Variants in TSPAN14 observed in about 807,000 individuals in gnomAD.
TSPAN14 encodes tetraspanin 14, also known as tetraspanin-14.
A neutral mutation model predicts 36.6 loss-of-function variants in TSPAN14; 16 were observed. The observed-to-expected ratio is 0.44, with a 90% CI of 0.30 to 0.66. The LOEUF is 0.66. Ranked by LOEUF, TSPAN14 falls within the 30% of genes least tolerant of loss-of-function variation. TSPAN14 has a pLI of 0.12. For missense variants in TSPAN14, 231 were observed against 355.1 expected, an observed-to-expected ratio of 0.65 and a Z score of 2.81; for synonymous variants, 139 against 143.8, an observed-to-expected ratio of 0.97 and a Z score of 0.24.
chr10:80,507,063 G>A, intron 3 of TSPAN14, 165 bp from the exon 4 acceptor site: 2 of 838,300 alleles, frequency 2.4e-6, no homozygotes, highest in Non-Finnish European at 3.7e-6. Flanking sequence ...TGGTCGGAGG[G>A]GCCCCTAAGG....
At chr10:80,485,782 T>C in intron 1 of TSPAN14, 1 of 720,618 alleles carries the variant, frequency 1.4e-6, no homozygotes, top group South Asian at 6.2e-5. Flanking sequence ...AACTGAAATG[T>C]TTCTTTTCAA....
chr10:80,507,855 A>T (rs56871714), intron 4 of TSPAN14, among the ~76,000 whole-genome samples: 25 of 152,230 alleles, frequency 1.6e-4, no homozygotes, highest in African/African-American at 5.5e-4. Context: ...ATACAAATTC[A>T]TGTTTAGATT....
At chr10:80,512,432 A>T (rs549606934) in intron 6 of TSPAN14, among the ~76,000 whole-genome samples, 163 bp downstream of exon 6, 24 of 152,254 alleles carry the variant, frequency 1.6e-4, no homozygotes, top group African/African-American at 5.1e-4. Context: ...CTGAAATCCG[A>T]TATGTGTACA....
Position 80,509,193 on chromosome 10 carries a change from G to C in TSPAN14, c.280-108G>C. 1 of 1,253,930 alleles carries C rather than the reference G, an allele frequency of 8.0e-7. No homozygotes were observed. Among genetic ancestry groups the C allele is most frequent in the East Asian group, 2.4e-5 (1 of 42,508 alleles). 77.7% of individuals were successfully genotyped at this position (1,253,930 alleles called of 1,614,324 possible). ...CCCCGATGTGGGACTCTCAGGTGCA[G>C]AGCCCACGCTCTGCTGAGGATGGTG... On this transcript the variant is annotated intron_variant, in intron 4 of 8. Transcript: ENST00000429989. This position sits in a 1 kb window ranked among gnomAD's most constrained non-coding sequence, Gnocchi z 4.7.
intron 1 of TSPAN14, among the ~76,000 whole-genome samples, chr10:80,480,336 C>T (rs868191069): frequency 1.1e-4 from 17 of 152,204 alleles, no homozygotes; most frequent in African/African-American, 3.6e-4. Context: ...CTATGTTGAA[C>T]AGGAGTGGTG....
chr10:80,516,375 T>C (rs915576689), intron 8 of TSPAN14, 52 bp downstream of exon 8: 4 of 1,612,408 alleles, frequency 2.5e-6, no homozygotes, highest in Non-Finnish European at 3.4e-6. Flanking sequence ...TCATTTGAGA[T>C]TGGGCCCTTA....
intron 1 of TSPAN14, chr10:80,468,599 A>G (rs1846365865): frequency 6.6e-6 from 1 of 152,190 alleles, no homozygotes; most frequent in South Asian, 2.1e-4. Flanking sequence ...GATGGGCAGC[A>G]TGAGCATCAC....
At chr10:80,487,968 C>G (rs1037211037) in intron 1 of TSPAN14, among the ~76,000 whole-genome samples, 3 of 152,164 alleles carry the variant, frequency 2.0e-5, no homozygotes, top group Admixed American at 2.0e-4. Flanking sequence ...CATTGCAGAC[C>G]AGCAGCCAGC....
chr10:80,460,668 C>T (rs909684191), intron 1 of TSPAN14, among the ~76,000 whole-genome samples: 1 of 152,158 alleles, frequency 6.6e-6, no homozygotes, highest in African/African-American at 2.4e-5. Flanking sequence ...AAACCTTGGT[C>T]CTTTTCAGCA....
At chr10:80,492,150 A>C (rs1847953510) in intron 2 of TSPAN14, among the ~76,000 whole-genome samples, 1 of 152,176 alleles carries the variant, frequency 6.6e-6, no homozygotes. Flanking sequence ...GAAAATGTAT[A>C]AAGTGGAATG....
intron 1 of TSPAN14, among the ~76,000 whole-genome samples, chr10:80,475,968 C>G (rs1437704817): frequency 6.6e-6 from 1 of 152,212 alleles, no homozygotes; most frequent in Non-Finnish European, 1.5e-5. Flanking sequence ...TGCCAAAATC[C>G]ATAGATGCTC....
At chr10:80,483,093 T>C (rs1332332547) in intron 1 of TSPAN14, among the ~76,000 whole-genome samples, 1 of 152,212 alleles carries the variant, frequency 6.6e-6, no homozygotes, top group African/African-American at 2.4e-5. Flanking sequence ...GAGAATGTGC[T>C]ACTTTTTTAA....
chr10:80,476,499 T>C (rs1421833687), intron 1 of TSPAN14, among the ~76,000 whole-genome samples: 1 of 135,812 alleles, frequency 7.4e-6, no homozygotes, highest in East Asian at 2.5e-4. Flanking sequence ...CACTGCAAGC[T>C]CCGCCTCCCG....
At chr10:80,489,411 G>C (rs909301989) in intron 2 of TSPAN14, 97 bp downstream of exon 2, 1 of 903,636 alleles carries the variant, frequency 1.1e-6, no homozygotes, top group African/African-American at 1.7e-5. Context: ...ACTATGTAAG[G>C]CTCTGGGATA....
chr10:80,471,147 A>C (rs1207294469), intron 1 of TSPAN14, among the ~76,000 whole-genome samples: 2 of 151,468 alleles, frequency 1.3e-5, no homozygotes, highest in East Asian at 3.9e-4. Context: ...GAGTTCCCTG[A>C]GTCAGGCACA....
chr10:80,510,323 A>G (rs1840545871), intron 5 of TSPAN14, among the ~76,000 whole-genome samples: 1 of 152,234 alleles, frequency 6.6e-6, no homozygotes, highest in Non-Finnish European at 1.5e-5. Context: ...TATTTCATGT[A>G]TTATGGGATC....
At chr10:80,502,552 A>C (rs57083464) in intron 2 of TSPAN14, among the ~76,000 whole-genome samples, 1,708 of 152,202 alleles carry the variant, frequency 0.011, 27 homozygotes, top group African/African-American at 0.039. Flanking sequence ...AGTGTAGGGC[A>C]AAAGAGAAAG....
intron 2 of TSPAN14, among the ~76,000 whole-genome samples, chr10:80,499,699 G>A (rs566419800): frequency 6.6e-6 from 1 of 152,332 alleles, no homozygotes; most frequent in South Asian, 2.1e-4. Context: ...AAAAATGAGG[G>A]TAATTGAGCC....
chr10:80,455,686 G>C (rs2131943311), intron 1 of TSPAN14, among the ~76,000 whole-genome samples: 1 of 152,204 alleles, frequency 6.6e-6, no homozygotes, highest in East Asian at 1.9e-4. Flanking sequence ...GGGGGCGGCC[G>C]TCTTTCCAGG....
Sources: gnomAD v4.1 joint callset for allele counts (sites outside exome capture counted in the v4.1 genomes callset) on GRCh38, gnomAD v4.1.1 for gene constraint, Gnocchi (gnomAD v3.1) non-coding constraint, MANE v1.5 for transcripts, NCBI Gene and HGNC (gene_info 2026-07-23, HGNC 2026-07-21) for gene names.